Variants in COL13A1 observed in about 807,000 individuals in gnomAD.
COL13A1 encodes the protein collagen type XIII alpha 1 chain.
Under a neutral mutation model 130.9 loss-of-function variants are expected in COL13A1, and 89 were observed. That is an observed-to-expected ratio of 0.68 (90% CI 0.57 to 0.81). COL13A1 has a LOEUF of 0.81. Among genes scored for constraint, COL13A1 ranks in the 30% least tolerant of loss-of-function variants. The probability of loss-of-function intolerance (pLI) is 0.00; values close to 1 mark genes in which losing one functional copy is unlikely to be tolerated. For synonymous variants in COL13A1, 402 were observed against 341.6 expected (o/e 1.18, Z -1.95); for missense variants, 879 against 934.6 (o/e 0.94, Z 0.78).
At chr10:69,949,654 C>A (rs74139247) in intron 38 of COL13A1, among the ~76,000 whole-genome samples, 1,592 of 152,296 alleles carry the variant, frequency 0.01, 32 homozygotes, top group African/African-American at 0.036. Flanking sequence ...GGGACACACA[C>A]GCCAGTGGAA....
chr10:69,842,342 T>G (rs925923438), intron 2 of COL13A1, among the ~76,000 whole-genome samples: 7 of 152,236 alleles, frequency 4.6e-5, no homozygotes, highest in Non-Finnish European at 7.3e-5. Flanking sequence ...AAACCTCTTT[T>G]TCTTTATAAA....
intron 2 of COL13A1, among the ~76,000 whole-genome samples, chr10:69,822,875 C>T (rs1411762319): frequency 1.3e-5 from 2 of 152,192 alleles, no homozygotes; most frequent in African/African-American, 4.8e-5. Flanking sequence ...ATTGTAAGAC[C>T]TTATTTTCTA....
At chr10:69,819,849 C>A (rs1293167734) in intron 1 of COL13A1, among the ~76,000 whole-genome samples, 1 of 152,198 alleles carries the variant, frequency 6.6e-6, no homozygotes, top group Admixed American at 6.5e-5. Context: ...TTCCTGCCCC[C>A]CACATTCCTA....
intron 22 of COL13A1, among the ~76,000 whole-genome samples, 167 bp from the exon 23 acceptor site, chr10:69,922,541 A>G (rs2064819946): frequency 6.6e-6 from 1 of 152,142 alleles, no homozygotes; most frequent in African/African-American, 2.4e-5. Flanking sequence ...CCTTCAGTAA[A>G]CACTTCCAAT....
intron 2 of COL13A1, among the ~76,000 whole-genome samples, chr10:69,851,567 C>T (rs572491847): frequency 2.0e-5 from 3 of 152,362 alleles, no homozygotes; most frequent in African/African-American, 7.2e-5. Flanking sequence ...TGTGGCTATT[C>T]AACACTTAAA....
At chr10:69,897,697 G>C (rs2061789008) in intron 13 of COL13A1, among the ~76,000 whole-genome samples, 1 of 152,200 alleles carries the variant, frequency 6.6e-6, no homozygotes, top group African/African-American at 2.4e-5. Flanking sequence ...GGCCACACTT[G>C]GGCTCCCCAT....
intron 40 of COL13A1, among the ~76,000 whole-genome samples, chr10:69,957,888 G>A (rs967851814): frequency 2.6e-5 from 4 of 152,086 alleles, no homozygotes; most frequent in South Asian, 2.1e-4. Flanking sequence ...TAAAGGGACC[G>A]GAGACTCCAA....
chr10:69,953,138 T>C (rs537520569), intron 39 of COL13A1, among the ~76,000 whole-genome samples, 170 bp downstream of exon 39: 1 of 152,368 alleles, frequency 6.6e-6, no homozygotes, highest in African/African-American at 2.4e-5. Context: ...TGGATTTGCT[T>C]TGTAACCACA....
At chr10:69,931,301 C>G (rs972611422) in intron 30 of COL13A1, 73 of 445,134 alleles carry the variant, frequency 1.6e-4, no homozygotes, top group African/African-American at 1.5e-3. Flanking sequence ...CAGGCAGCCA[C>G]AGATGAGGGT....
chr10:69,871,134 G>A (rs893419116), intron 3 of COL13A1, among the ~76,000 whole-genome samples: 3 of 152,084 alleles, frequency 2.0e-5, no homozygotes, highest in African/African-American at 7.2e-5. Flanking sequence ...AGCCCACTCT[G>A]TGACATTAGG....
intron 1 of COL13A1, among the ~76,000 whole-genome samples, chr10:69,807,816 C>A (rs781642121): frequency 2.6e-5 from 4 of 152,200 alleles, no homozygotes; most frequent in Non-Finnish European, 4.4e-5. Flanking sequence ...TCCTTCACCA[C>A]ACCTTCCCCT....
intron 3 of COL13A1, among the ~76,000 whole-genome samples, chr10:69,869,465 T>A (rs1564898162): frequency 6.6e-6 from 1 of 152,214 alleles, no homozygotes; most frequent in Non-Finnish European, 1.5e-5. Flanking sequence ...AGAGGGGCTC[T>A]GAGATGCCTG....
At chr10:69,955,040 A>G (rs2070376688) in intron 39 of COL13A1, 1 of 152,196 alleles carries the variant, frequency 6.6e-6, no homozygotes, top group Non-Finnish European at 1.5e-5. Flanking sequence ...TTTCCCCAAT[A>G]GGTTTGGAGT....
chr10:69,899,148 T>C (rs960920965), intron 14 of COL13A1, among the ~76,000 whole-genome samples: 10 of 152,214 alleles, frequency 6.6e-5, no homozygotes, highest in African/African-American at 2.4e-4. Context: ...AGCCAGTACA[T>C]TGCAGAGTGG....
chr10:69,882,173 G>A (rs1052953675), intron 7 of COL13A1, among the ~76,000 whole-genome samples: 50 of 152,222 alleles, frequency 3.3e-4, no homozygotes, highest in Non-Finnish European at 4.4e-5. Flanking sequence ...TGAGCCCGGT[G>A]TGTTAGGAGG....
intron 13 of COL13A1, among the ~76,000 whole-genome samples, chr10:69,897,006 C>T (rs1243501763): frequency 1.3e-5 from 2 of 152,194 alleles, no homozygotes; most frequent in South Asian, 2.1e-4. Flanking sequence ...GTGTGTCTCC[C>T]GTTCTTAGTA....
chr10:69,898,586 G>C, intron 13 of COL13A1, 111 bp from the exon 14 acceptor site: 5 of 784,164 alleles, frequency 6.4e-6, no homozygotes, highest in Non-Finnish European at 6.3e-6. Flanking sequence ...CTCTTCCTCT[G>C]CTCCGGTCCC....
chr10:69,822,436 C>G lies in COL13A1; in HGVS notation c.362C>G (p.Pro121Arg), dbSNP rs760350699. The G allele has an allele frequency of 1.8e-5, 28 of 1,588,548 alleles. No homozygotes were observed. In the East Asian group the frequency reaches 6.0e-4, roughly 34 times the overall value. The change falls in exon 2 of 41, where the codon CCA becomes CGA. Residue 121 changes from proline (P) to arginine (R), a missense_variant and splice_region_variant. Around this residue, in one of 3 missense-constraint regions of COL13A1, gnomAD observed 715 missense variants for 721.0 expected, o/e 0.99. Coordinates refer to ENST00000645393, the MANE Select transcript of COL13A1 (RefSeq NM_001368882.1). ...PKTSPGCNCP[P>R]GPPGPTGRPG... ...ACATCTCCAGGATGTAACTGCCCAC[C>G]AGGTAAGCAGCCCTGCAAATAGGTG...
intron 7 of COL13A1, among the ~76,000 whole-genome samples, chr10:69,882,659 A>G (rs1349240495): frequency 2.0e-5 from 3 of 152,242 alleles, no homozygotes; most frequent in Non-Finnish European, 4.4e-5. Flanking sequence ...CAAAGCCTGC[A>G]TTCTTGCCTC....
Sources: allele counts gnomAD v4.1 joint callset (sites outside exome capture counted in the v4.1 genomes callset), GRCh38; gene constraint gnomAD v4.1.1; regional missense constraint gnomAD v4.1.1; transcripts MANE v1.5; gene names NCBI Gene and HGNC (gene_info 2026-07-23, HGNC 2026-07-21).